Variants in SCGB2B2 observed in about 807,000 individuals in gnomAD.
The protein encoded by SCGB2B2 is secretoglobin family 2B member 2, also known as secretoglobin-like protein.
SCGB2B2 carries 11 observed loss-of-function variants against 7.6 expected under a neutral mutation model. The observed-to-expected ratio is 1.45, with a 90% CI of 0.91 to 2.40. The LOEUF is 2.40. Among genes scored for constraint, SCGB2B2 ranks in the 30% most tolerant of loss-of-function variants. The probability of loss-of-function intolerance (pLI) is 0.00; values close to 1 mark genes in which losing one functional copy is unlikely to be tolerated. For missense variants in SCGB2B2, 104 were observed against 115.4 expected, an observed-to-expected ratio of 0.90 and a Z score of 0.45; for synonymous variants, 50 against 48.6, an observed-to-expected ratio of 1.03 and a Z score of -0.12.
At chr19:34,599,224 C>T (rs1271699179) in intron 1 of SCGB2B2, among the ~76,000 whole-genome samples, 1 of 152,236 alleles carries the variant, frequency 6.6e-6, no homozygotes, top group Non-Finnish European at 1.5e-5. Context: ...AGTCCCACAG[C>T]AGAGGGATCT....
intron 1 of SCGB2B2, among the ~76,000 whole-genome samples, chr19:34,598,070 C>T (rs545544706): frequency 9.9e-5 from 15 of 151,952 alleles, no homozygotes; most frequent in South Asian, 8.3e-4. Flanking sequence ...GAGGGGTCAG[C>T]GGGGGCTGCA....
intron 1 of SCGB2B2, among the ~76,000 whole-genome samples, chr19:34,615,308 A>G (rs2066041111): frequency 6.6e-6 from 1 of 152,070 alleles, no homozygotes; most frequent in East Asian, 1.9e-4. Flanking sequence ...TCCAGTGGTG[A>G]GGTCTGTGGG....
intron 1 of SCGB2B2, among the ~76,000 whole-genome samples, chr19:34,615,778 C>G: frequency 6.6e-6 from 1 of 151,804 alleles, no homozygotes; most frequent in Non-Finnish European, 1.5e-5. Context: ...ATGTGCCATG[C>G]TGGTGTGCTG....
chr19:34,594,185 G>C lies in SCGB2B2; in HGVS notation c.236C>G (p.Ser79Ter). 6.2e-7 allele frequency: 1 copy of C among 1,613,952 alleles called. No individual in the cohort carries two copies. The highest frequency in any genetic ancestry group is 1.1e-5 in the South Asian group (1 of 91,046). The change falls in exon 3 of 4, where the codon TCA (serine) becomes TGA (stop). Residue 79 changes from serine to a stop codon, truncating the protein, a stop_gained. Transcript: ENST00000601241. LOFTEE classifies it high-confidence loss of function. ...NVSVTERFAH[S>*]VVIKKILQSN... is the part of the protein sequence containing the mutation. ...CCCGGGCACACTCACAATAACAACT[G>C]AATGAGCAAATCTTTCTGTCACGGA...
At chr19:34,642,739 A>AAAAAAAAAAT (rs1555747824) in intron 1 of SCGB2B2, among the ~76,000 whole-genome samples, 2 of 148,380 alleles carry the variant, frequency 1.3e-5, no homozygotes, top group Non-Finnish European at 3.0e-5. Context: ...AAAAAAAAAA[A>AAAAAAAAAAT]GTGGGCAAAG....
chr19:34,671,107 G>A (rs549305292), intron 1 of SCGB2B2, among the ~76,000 whole-genome samples: 1 of 152,240 alleles, frequency 6.6e-6, no homozygotes, highest in African/African-American at 2.4e-5. Context: ...GTAGAGATGG[G>A]GTTTTAACAT....
chr19:34,593,559 A>C lies in SCGB2B2; in HGVS notation c.287T>G (p.Phe96Cys), dbSNP rs930170552. ...TGATCTGCAGGGGTCCTCAGATCAG[A>C]AGGCTGCTTCTATGCAATCGTTGCT... is the stretch of plus-strand genomic sequence containing the variant. ...LQSNDCIEAA[F>C] Residue 96 changes from phenylalanine (F) to cysteine (C), a missense_variant, in exon 4 of 4, where the codon TTC becomes TGC. By Grantham distance (205) the Phe-to-Cys change is radical (BLOSUM62 -2). Coordinates refer to ENST00000601241, the MANE Select transcript of SCGB2B2 (RefSeq NM_001025591.4). 1.2e-5 allele frequency: 18 copies of C among 1,553,236 alleles called. No homozygotes were observed. The highest frequency in any genetic ancestry group is 1.5e-5 in the Non-Finnish European group (17 of 1,147,768).
At chr19:34,605,198 G>A (rs1480834100) in intron 1 of SCGB2B2, among the ~76,000 whole-genome samples, 1 of 152,194 alleles carries the variant, frequency 6.6e-6, no homozygotes, top group East Asian at 1.9e-4. Context: ...GGTCTTGTGT[G>A]TATCAATACT....
rs142132753 is a variant in SCGB2B2 at position 34,666,878 on chromosome 19, C to T, written c.-2032+8752G>A. Reference sequence around the variant, plus strand: ...TGCTCACGTGCTCCTACTCTCCCTGCAGATCCCAAGAAACTATGCCCGCAG... The same window carrying T: ...TGCTCACGTGCTCCTACTCTCCCTGTAGATCCCAAGAAACTATGCCCGCAG... On this transcript the variant is annotated intron_variant, in intron 1 of 3. Transcript: ENST00000601241. Among the ~76,000 whole-genome samples the T allele has an allele frequency of 6.0e-3, 909 of 152,124 alleles. 14 individuals are homozygous for T. Among genetic ancestry groups the T allele is most frequent in the African/African-American group, 0.021 (882 of 41,484 alleles).
At chr19:34,630,697 T>A (rs915006922) in intron 1 of SCGB2B2, among the ~76,000 whole-genome samples, 2 of 152,080 alleles carry the variant, frequency 1.3e-5, no homozygotes, top group African/African-American at 4.8e-5. Flanking sequence ...ATTGTGGAAG[T>A]CGGTGTGGCG....
intron 1 of SCGB2B2, among the ~76,000 whole-genome samples, chr19:34,603,776 A>ATT (rs71165671): frequency 2.1e-5 from 3 of 142,952 alleles, no homozygotes; most frequent in Admixed American, 7.2e-5. Flanking sequence ...ATAATATCTT[A>ATT]TTTTTTAATG....
chr19:34,612,165 A>G (rs1177977170), intron 1 of SCGB2B2, among the ~76,000 whole-genome samples: 1 of 150,330 alleles, frequency 6.7e-6, no homozygotes, highest in Admixed American at 6.7e-5. Flanking sequence ...CAGCCTCCCA[A>G]GTAGCTGGGC....
intron 1 of SCGB2B2, among the ~76,000 whole-genome samples, chr19:34,663,895 G>C (rs1380027087): frequency 6.6e-6 from 1 of 152,108 alleles, no homozygotes; most frequent in Non-Finnish European, 1.5e-5. Context: ...AGAGACAATG[G>C]GGAGAAGGAG....
chr19:34,646,350 CTGA>C (rs200076867), intron 1 of SCGB2B2: 3,380 of 154,598 alleles, frequency 0.022, 104 homozygotes, highest in African/African-American at 0.078. Context: ...CATCAATGCA[CTGA>C]TGATGAGCAC....
intron 1 of SCGB2B2, among the ~76,000 whole-genome samples, chr19:34,600,632 T>C (rs914723555): frequency 5.9e-5 from 9 of 152,214 alleles, no homozygotes; most frequent in Non-Finnish European, 1.3e-4. Context: ...TCTGGTGTAA[T>C]GAGGTTGAGG....
chr19:34,625,807 G>A (rs538949125), intron 1 of SCGB2B2, among the ~76,000 whole-genome samples: 8 of 152,292 alleles, frequency 5.3e-5, no homozygotes, highest in South Asian at 2.1e-4. Flanking sequence ...ATCTGAGAAC[G>A]GACAGACTGC....
intron 1 of SCGB2B2, among the ~76,000 whole-genome samples, chr19:34,634,423 C>T (rs2066619125): frequency 6.6e-6 from 1 of 152,252 alleles, no homozygotes; most frequent in African/African-American, 2.4e-5. Flanking sequence ...CAGGTAAGAG[C>T]CTTGGGCAGG....
intron 1 of SCGB2B2, among the ~76,000 whole-genome samples, chr19:34,642,008 T>C (rs985597192): frequency 6.6e-6 from 1 of 152,126 alleles, no homozygotes; most frequent in African/African-American, 2.4e-5. Flanking sequence ...GTCCCCACAG[T>C]TTTGGTGCAG....
At chr19:34,655,923 T>C (rs73043921) in intron 1 of SCGB2B2, among the ~76,000 whole-genome samples, 14,687 of 151,060 alleles carry the variant, frequency 0.097, 991 homozygotes, top group East Asian at 0.22. Flanking sequence ...AAGGGCAACA[T>C]TGCCCAACAA....
Sources: gnomAD v4.1 joint callset for allele counts (sites outside exome capture counted in the v4.1 genomes callset) on GRCh38, gnomAD v4.1.1 for gene constraint, MANE v1.5 for transcripts, NCBI Gene and HGNC (gene_info 2026-07-23, HGNC 2026-07-21) for gene names.